GLRA2: variants seen among roughly 807,000 people sequenced by gnomAD.
The protein encoded by GLRA2 is glycine receptor alpha 2.
A neutral mutation model predicts 31.6 loss-of-function variants in GLRA2; 11 were observed. The observed-to-expected ratio is 0.35, with a 90% CI of 0.22 to 0.58. The LOEUF is 0.58. Ranked by LOEUF, GLRA2 falls within the 20% of genes least tolerant of loss-of-function variation. The probability of loss-of-function intolerance (pLI) is 0.84; values close to 1 mark genes in which losing one functional copy is unlikely to be tolerated. For synonymous variants in GLRA2, 132 were observed against 134.0 expected, an observed-to-expected ratio of 0.99 and a Z score of 0.10; for missense variants, 212 against 351.8, an observed-to-expected ratio of 0.60 and a Z score of 3.18.
the GLRA2 span, among the ~76,000 whole-genome samples, chrX:14,505,818 C>A: frequency 9.0e-6 from 1 of 111,376 alleles, no homozygotes; most frequent in African/African-American, 3.3e-5. Context: ...GACCTATAAC[C>A]CTGACCACTT....
At chrX:14,553,932 G>A (rs1217450194) in intron 2 of GLRA2, among the ~76,000 whole-genome samples, 2 of 111,658 alleles carry the variant, frequency 1.8e-5, no homozygotes, top group African/African-American at 3.3e-5. Flanking sequence ...CTTACTTCCC[G>A]ACGTCTCATC....
At chrX:14,718,828 C>G (rs2091826270) in intron 8 of GLRA2, among the ~76,000 whole-genome samples, 1 of 111,654 alleles carries the variant, frequency 9.0e-6, no homozygotes, top group African/African-American at 3.3e-5. Context: ...GCTGCATTGC[C>G]TTTTATGAAC....
the GLRA2 span, among the ~76,000 whole-genome samples, chrX:14,500,346 C>A: frequency 1.8e-5 from 2 of 112,230 alleles, no homozygotes; most frequent in Non-Finnish European, 3.8e-5. Context: ...TGGGAAAGTT[C>A]CAAAGGGGAT....
At chrX:14,496,782 C>A in the GLRA2 span, among the ~76,000 whole-genome samples, 1 of 111,559 alleles carries the variant, frequency 9.0e-6, no homozygotes, top group South Asian at 3.8e-4. Flanking sequence ...GAGTAAGGAT[C>A]CAGCTCAACC....
At chrX:14,690,311 TG>T (rs1322124620) in intron 7 of GLRA2, among the ~76,000 whole-genome samples, 2 of 112,411 alleles carry the variant, frequency 1.8e-5, no homozygotes, top group Non-Finnish European at 3.8e-5. Context: ...AAGTAAAAAT[TG>T]TATATATTTA....
chrX:14,707,887 T>C (rs1370967073), intron 8 of GLRA2, among the ~76,000 whole-genome samples: 1 of 111,081 alleles, frequency 9.0e-6, no homozygotes. Context: ...ACTTGATGAT[T>C]TGATATATGT....
chrX:14,466,040 A>G, the GLRA2 span, among the ~76,000 whole-genome samples: 1 of 111,629 alleles, frequency 9.0e-6, no homozygotes, highest in Non-Finnish European at 1.9e-5. Flanking sequence ...TCCAGACTTT[A>G]TATTCTAGAT....
chrX:14,488,961 G>A, the GLRA2 span, among the ~76,000 whole-genome samples: 1 of 110,994 alleles, frequency 9.0e-6, no homozygotes, highest in Admixed American at 9.6e-5. Context: ...TAAGTCACTG[G>A]TTTCAAGCCT....
At chrX:14,518,936 C>A in the GLRA2 span, among the ~76,000 whole-genome samples, 1 of 100,407 alleles carries the variant, frequency 1.0e-5, no homozygotes, top group Non-Finnish European at 2.0e-5. Context: ...GGCGTGAACC[C>A]AGGAGGCGGA....
At chrX:14,565,301 C>T (rs765318740) in intron 2 of GLRA2, among the ~76,000 whole-genome samples, 142 of 111,023 alleles carry the variant, frequency 1.3e-3, no homozygotes, top group African/African-American at 4.5e-3. Context: ...GAAATAGTAA[C>T]CAAAAGAAAG....
chrX:14,520,372 C>T, the GLRA2 span, among the ~76,000 whole-genome samples: 1 of 112,343 alleles, frequency 8.9e-6, no homozygotes, highest in African/African-American at 3.2e-5. Context: ...CTTTCTAATG[C>T]ATCCAAGTGG....
chrX:14,625,399 G>A (rs1343069336), intron 7 of GLRA2, among the ~76,000 whole-genome samples: 1 of 111,432 alleles, frequency 9.0e-6, no homozygotes, highest in Non-Finnish European at 1.9e-5. Flanking sequence ...TATGATGCTA[G>A]CTGGTTATTT....
intron 2 of GLRA2, among the ~76,000 whole-genome samples, chrX:14,538,555 A>G (rs778426741): frequency 9.0e-6 from 1 of 111,306 alleles, no homozygotes; most frequent in African/African-American, 3.3e-5. Context: ...TCAGTGGGGA[A>G]ATTTCCAACC....
the GLRA2 span, among the ~76,000 whole-genome samples, chrX:14,478,924 A>C: frequency 8.9e-6 from 1 of 111,930 alleles, no homozygotes; most frequent in Non-Finnish European, 1.9e-5. Flanking sequence ...GGTTCTGTTA[A>C]AATTTGACTC....
At chrX:14,493,692 C>T in the GLRA2 span, among the ~76,000 whole-genome samples, 6 of 81,376 alleles carry the variant, frequency 7.4e-5, no homozygotes, top group East Asian at 3.3e-4. Flanking sequence ...TACATATACA[C>T]GTATATATGT....
the GLRA2 span, among the ~76,000 whole-genome samples, chrX:14,496,696 G>A: frequency 8.9e-6 from 1 of 112,158 alleles, no homozygotes; most frequent in Admixed American, 9.5e-5. Flanking sequence ...GGTACTTGCT[G>A]TCAAACGTCA....
chrX:14,604,294 A>T, intron 4 of GLRA2, 21 bp from the exon 5 acceptor site: 5 of 957,352 alleles, frequency 5.2e-6, no homozygotes, highest in Non-Finnish European at 7.2e-6. Context: ...ATGGTTTTTA[A>T]TTTTTTTTTT....
At chrX:14,585,437 T>G (rs1223083226) in intron 4 of GLRA2, among the ~76,000 whole-genome samples, 1 of 111,910 alleles carries the variant, frequency 8.9e-6, no homozygotes, top group South Asian at 3.7e-4. Context: ...ATTGTCAGAA[T>G]TTGGCAGTTG....
chrX:14,685,808 C>T (rs1300125470), intron 7 of GLRA2, among the ~76,000 whole-genome samples: 44 of 111,815 alleles, frequency 3.9e-4, no homozygotes, highest in Non-Finnish European at 7.5e-4. Context: ...GTGTCTCTAT[C>T]TCCTTCAGTT....
Sources: allele counts gnomAD v4.1 joint callset (sites outside exome capture counted in the v4.1 genomes callset), GRCh38; gene constraint gnomAD v4.1.1; transcripts MANE v1.5; gene names NCBI Gene and HGNC (gene_info 2026-07-23, HGNC 2026-07-21).